Variants in PAPOLG observed in about 807,000 individuals in gnomAD.
PAPOLG encodes the protein PAP-gamma.
In PAPOLG, 40 loss-of-function variants were observed where a neutral mutation model predicts 99.0. The observed-to-expected ratio is 0.40, with a 90% confidence interval of 0.31 to 0.53. The LOEUF is 0.53. PAPOLG is among the 20% of genes least tolerant of loss of function. The pLI is 0.41. For missense variants in PAPOLG, 675 were observed against 884.1 expected (o/e 0.76, Z 3.00); for synonymous variants, 310 against 299.3 (o/e 1.04, Z -0.37).
At chr2:60,760,675 G>T (rs774791134) in intron 2 of PAPOLG, among the ~76,000 whole-genome samples, 4 of 152,204 alleles carry the variant, frequency 2.6e-5, no homozygotes, top group Non-Finnish European at 2.9e-5. Flanking sequence ...TTTGAAGAGT[G>T]CATAGCAAGA....
intron 13 of PAPOLG, among the ~76,000 whole-genome samples, chr2:60,785,212 C>T (rs1471768958): frequency 2.0e-5 from 3 of 151,850 alleles, no homozygotes; most frequent in Admixed American, 2.0e-4. Context: ...GATCTCAGCT[C>T]ACTGAAAGCT....
Position 60,800,928 on chromosome 2 carries a change from G to C in PAPOLG, c.*3768G>C, listed in dbSNP as rs1030197935. 3 of 152,258 alleles carry C rather than the reference G, an allele frequency of 2.0e-5. No homozygotes were observed. The highest frequency in any genetic ancestry group is 4.4e-5 in the Non-Finnish European group (3 of 68,024). The allele number at this position is 152,258 out of a possible 1,614,324, so 9.4% of individuals were successfully genotyped here. A position where few individuals can be genotyped will look rare whatever the true frequency, so the allele number is the denominator to read the frequency against. The stretch of plus-strand genomic sequence containing the variant: ...TAAAATGGGCTGGTGAGGGACTCTG[G>C]AATTCTGAATTTCTAAGTTTATAAC... On this transcript the variant is annotated 3_prime_UTR_variant, in exon 22 of 22. Transcript: ENST00000238714.
intron 10 of PAPOLG, among the ~76,000 whole-genome samples, chr2:60,781,172 G>A (rs1309439214): frequency 3.3e-5 from 5 of 152,068 alleles, no homozygotes; most frequent in Admixed American, 2.6e-4. Context: ...CCTGGCCAAC[G>A]TGGTGAAACC....
chr2:60,774,694 G>A (rs1216013436), intron 7 of PAPOLG, among the ~76,000 whole-genome samples: 2 of 152,152 alleles, frequency 1.3e-5, no homozygotes. Flanking sequence ...GCACTTTGGT[G>A]TATTTCCAGA....
At chr2:60,796,206 TCC>T (rs1199438660) in intron 21 of PAPOLG, among the ~76,000 whole-genome samples, 1 of 142,796 alleles carries the variant, frequency 7.0e-6, no homozygotes, top group Non-Finnish European at 1.5e-5. Context: ...GATTTTGCCT[TCC>T]TTTTTTTTTT....
chr2:60,771,421 T>A, intron 6 of PAPOLG, 98 bp from the exon 7 acceptor site: 1 of 1,407,140 alleles, frequency 7.1e-7, no homozygotes, highest in South Asian at 1.7e-5. Context: ...CTTCCCAAAC[T>A]CATAACCAGA....
At chr2:60,773,540 G>A (rs1319113143) in intron 7 of PAPOLG, among the ~76,000 whole-genome samples, 2 of 152,118 alleles carry the variant, frequency 1.3e-5, no homozygotes, top group African/African-American at 2.4e-5. Flanking sequence ...CAAACTTGTT[G>A]TATTCTGTTA....
intron 7 of PAPOLG, among the ~76,000 whole-genome samples, chr2:60,773,302 A>C (rs573120716): frequency 6.6e-6 from 1 of 152,334 alleles, no homozygotes; most frequent in South Asian, 2.1e-4. Context: ...ACCCATTTGC[A>C]GTCATTTCCC....
rs758350520 is a variant in PAPOLG at position 60,794,915 on chromosome 2, T to C, written c.2056-49T>C. 18 of 1,604,322 alleles carry C rather than the reference T, an allele frequency of 1.1e-5. No individual in the cohort carries two copies. The South Asian group carries it at 1.7e-4, about 15-fold the overall frequency. On this transcript the variant is annotated intron_variant, in intron 20 of 21. Coordinates refer to ENST00000238714, the MANE Select transcript of PAPOLG (RefSeq NM_022894.4). ...TTTATTTTAAGTAGAAATAAGTGTT[T>C]GCATATAGGAAAGTTAGTTTTCACT...
intron 5 of PAPOLG, among the ~76,000 whole-genome samples, chr2:60,770,105 T>C (rs1670805762): frequency 6.6e-6 from 1 of 152,188 alleles, no homozygotes; most frequent in African/African-American, 2.4e-5. Context: ...TCACTGTTTT[T>C]TATGGCTGCA....
chr2:60,760,372 C>A, intron 2 of PAPOLG, 77 bp downstream of exon 2: 3 of 1,354,962 alleles, frequency 2.2e-6, no homozygotes, highest in South Asian at 1.3e-5. Flanking sequence ...TGAATACCTA[C>A]TGTGTCTCTA....
intron 3 of PAPOLG, among the ~76,000 whole-genome samples, chr2:60,766,871 G>A (rs893293280): frequency 4.6e-5 from 7 of 152,236 alleles, no homozygotes; most frequent in Admixed American, 2.6e-4. Context: ...GGAACATGTC[G>A]TGGAGATTTT....
rs1671840629 is a variant in PAPOLG at position 60,801,995 on chromosome 2, CTTTTA to C, written c.*4839_*4843del. On this transcript the variant is annotated 3_prime_UTR_variant, in exon 22 of 22. Transcript: ENST00000238714. The stretch of plus-strand genomic sequence containing the variant: ...TGTAGTTCATATTAATTTACCCTGC[CTTTTA>C]TTTGGATTGTCTGATTTCTTAGTTG... 6.6e-6 allele frequency: 1 copy of C among 152,258 alleles called. No individual in the cohort carries two copies. Among genetic ancestry groups the C allele is most frequent in the Non-Finnish European group, 1.5e-5 (1 of 68,036 alleles). The allele number at this position is 152,258 out of a possible 1,614,324, so 9.4% of individuals were successfully genotyped here. A position where few individuals can be genotyped will look rare whatever the true frequency, so the allele number is the denominator to read the frequency against.
chr2:60,790,673 G>A (rs903014387), intron 15 of PAPOLG, among the ~76,000 whole-genome samples: 17 of 152,180 alleles, frequency 1.1e-4, no homozygotes, highest in African/African-American at 4.1e-4. Context: ...TGTACAATAA[G>A]GATGTATTTG....
chr2:60,779,446 C>T, intron 8 of PAPOLG, 191 bp from the exon 9 acceptor site: 1 of 541,134 alleles, frequency 1.8e-6, no homozygotes, highest in Non-Finnish European at 3.2e-6. Flanking sequence ...AGACTGTGGG[C>T]CTAATGTGAA....
Position 60,794,716 on chromosome 2 carries a change from C to G in PAPOLG, c.1996C>G (p.Arg666Gly). The G allele has an allele frequency of 6.2e-7, 1 of 1,609,826 alleles. No homozygotes were observed. Among genetic ancestry groups the G allele is most frequent in the Non-Finnish European group, 8.5e-7 (1 of 1,176,826 alleles). Residue 666 changes from arginine (R) to glycine (G), a missense_variant, in exon 20 of 22, where the codon CGA (arginine) becomes GGA (glycine). Arg to Gly is a moderately radical substitution (Grantham distance 125, BLOSUM62 -2). This residue lies in a region of PAPOLG where 413 missense variants were observed against 460.5 expected (regional missense o/e 0.90). Coordinates refer to ENST00000238714, the MANE Select transcript of PAPOLG (RefSeq NM_022894.4). ...TTCAATGTTTATATTTTAGTTTATT[C>G]GACTTGAATCAACATTTAAGGACCC... is the stretch of plus-strand genomic sequence containing the variant. ...KRLKDVEKFIRLESTFKDPRT... is the reference protein window; with the variant it reads ...KRLKDVEKFIGLESTFKDPRT...
At chr2:60,780,278 T>C (rs1433794835) in intron 9 of PAPOLG, among the ~76,000 whole-genome samples, 2 of 132,882 alleles carry the variant, frequency 1.5e-5, no homozygotes, top group East Asian at 2.1e-4. Context: ...TTACCTAGCC[T>C]TTTTTTTTTT....
intron 7 of PAPOLG, among the ~76,000 whole-genome samples, chr2:60,773,652 A>G (rs1002512578): frequency 3.3e-5 from 5 of 152,076 alleles, no homozygotes; most frequent in African/African-American, 9.7e-5. Flanking sequence ...TTGGTTCACA[A>G]AATTATTTGG....
Position 60,761,140 on chromosome 2 carries a change from A to G in PAPOLG, c.180-601A>G, listed in dbSNP as rs1352261636. On this transcript the variant is annotated intron_variant, in intron 2 of 21. Coordinates refer to ENST00000238714, the MANE Select transcript of PAPOLG (RefSeq NM_022894.4). ...TGGTCTTGGCACCTTGAAGGATGGA[A>G]TTTCATTATTTGTGGAAGACTGAGG... 6.6e-5 allele frequency among the ~76,000 whole-genome samples: 10 copies of G among 152,262 alleles called. No individual in the cohort carries two copies. In the Middle Eastern group the frequency reaches 0.027, roughly 414 times the overall value.
Sources: gnomAD v4.1 joint callset for allele counts (sites outside exome capture counted in the v4.1 genomes callset) on GRCh38, gnomAD v4.1.1 for gene constraint, gnomAD v4.1.1 regional missense constraint, MANE v1.5 for transcripts, NCBI Gene and HGNC (gene_info 2026-07-23, HGNC 2026-07-21) for gene names.